FMN2: variants seen among roughly 807,000 people sequenced by gnomAD.
FMN2 encodes the protein formin-2.
In FMN2, 51 loss-of-function variants were observed where a neutral mutation model predicts 142.3. The observed-to-expected ratio is 0.36, with a 90% CI of 0.29 to 0.45. The LOEUF is 0.45. Ranked by LOEUF, FMN2 falls within the 20% of genes least tolerant of loss-of-function variation. The probability of loss-of-function intolerance (pLI) is 1.00; values close to 1 mark genes in which losing one functional copy is unlikely to be tolerated. For missense variants in FMN2, 1,936 were observed against 2,122.8 expected, an observed-to-expected ratio of 0.91 and a Z score of 1.73; for synonymous variants, 882 against 869.8, an observed-to-expected ratio of 1.01 and a Z score of -0.25.
chr1:240,146,031 A>G (rs996893660), intron 2 of FMN2, among the ~76,000 whole-genome samples: 4 of 151,990 alleles, frequency 2.6e-5, no homozygotes, highest in African/African-American at 9.7e-5. Context: ...CCAGGTGTAG[A>G]TTGTGTAACT....
intron 6 of FMN2, among the ~76,000 whole-genome samples, chr1:240,237,799 G>A (rs750265810): frequency 2.0e-5 from 3 of 152,122 alleles, no homozygotes; most frequent in Non-Finnish European, 2.9e-5. Flanking sequence ...GAGAGAGATT[G>A]GAGTTGAGTT....
chr1:240,133,911 C>T (rs1418597091), intron 2 of FMN2, among the ~76,000 whole-genome samples: 1 of 152,140 alleles, frequency 6.6e-6, no homozygotes, highest in Non-Finnish European at 1.5e-5. Context: ...TTGTGTTTAC[C>T]TGACAGATCT....
chr1:240,333,708 C>A (rs1671460006), intron 11 of FMN2, among the ~76,000 whole-genome samples, 179 bp from the exon 12 acceptor site: 1 of 152,092 alleles, frequency 6.6e-6, no homozygotes, highest in South Asian at 2.1e-4. Context: ...GGAGAAAAAT[C>A]TTTTAAGCCA....
At chr1:240,326,747 A>T (rs1671184341) in intron 8 of FMN2, among the ~76,000 whole-genome samples, 1 of 152,070 alleles carries the variant, frequency 6.6e-6, no homozygotes, top group South Asian at 2.1e-4. Context: ...GGGTATAGAA[A>T]GGGGTTAGGC....
chr1:240,325,818 T>G (rs946414687), intron 8 of FMN2, among the ~76,000 whole-genome samples: 2 of 152,292 alleles, frequency 1.3e-5, no homozygotes, highest in African/African-American at 4.8e-5. Flanking sequence ...TGCTGGCTAG[T>G]GTTTCTGAGC....
chr1:240,144,654 CAG>C, intron 2 of FMN2: 4 of 1,291,902 alleles, frequency 3.1e-6, no homozygotes, highest in Non-Finnish European at 4.5e-6. Context: ...TTCTCAGGCT[CAG>C]ACACATAATT....
rs574839020 is a variant in FMN2, at chr1:240,240,082, T to C, written c.4066-17863T>C. Among the ~76,000 whole-genome samples the C allele has an allele frequency of 2.0e-5, 3 of 152,324 alleles. No homozygotes were observed. In the East Asian group the frequency reaches 5.8e-4, roughly 29 times the overall value. ...TCTCTTTATGTTCCGTCTGCCCATA[T>C]TAATTATATTTGATAACACAGGGCG... is the stretch of plus-strand genomic sequence containing the variant. On this transcript the variant is annotated intron_variant, in intron 6 of 17. Transcript: ENST00000319653.
intron 8 of FMN2, among the ~76,000 whole-genome samples, chr1:240,320,925 AGTT>A (rs1670950230): frequency 6.6e-6 from 1 of 152,190 alleles, no homozygotes; most frequent in African/African-American, 2.4e-5. Context: ...CACCAAACTA[AGTT>A]GTTGCTGTAA....
Position 240,330,604 on chromosome 1 carries a change from C to T in FMN2, c.4439C>T (p.Thr1480Ile). ...KLELLQKLCE[T>I]LKNGPGVMQV... The stretch of plus-strand genomic sequence containing the variant: ...TTTTGTTGTTATTCTGTTTTACAGA[C>T]ATTAAAAAATGGCCCAGGGGTTATG... Residue 1480 changes from threonine to isoleucine, a missense_variant and splice_region_variant, in exon 11 of 18, where the codon ACA becomes ATA. Physicochemically the swap from Thr to Ile is moderately conservative, Grantham distance 89. Around this residue, in one of 8 missense-constraint regions of FMN2, gnomAD observed 322 missense variants for 401.6 expected, o/e 0.80. Transcript: ENST00000319653. The T allele has an allele frequency of 6.2e-7, 1 of 1,612,178 alleles. No homozygotes were observed.
At chr1:240,145,502 A>G (rs921782176) in intron 2 of FMN2, 2 of 240,700 alleles carry the variant, frequency 8.3e-6, no homozygotes, top group African/African-American at 2.3e-5. Context: ...TTTTACTACA[A>G]TGAGGCAATT....
chr1:240,252,548 G>GTT (rs35179529), intron 6 of FMN2, among the ~76,000 whole-genome samples: 227 of 142,366 alleles, frequency 1.6e-3, no homozygotes, highest in Admixed American at 4.0e-3. Context: ...TGGGCTGGCA[G>GTT]TTTTTTTTTT....
chr1:240,241,825 C>CTTCTTTTTTTTTTTTTTTTTTTTTT (rs1667908718), intron 6 of FMN2, among the ~76,000 whole-genome samples: 4 of 96,238 alleles, frequency 4.2e-5, no homozygotes, highest in Non-Finnish European at 6.4e-5. Flanking sequence ...GTGTGCCTTG[C>CTTCTTTTTTTTTTTTTTTTTTTTTT]TTTTTTTTTT....
intron 8 of FMN2, among the ~76,000 whole-genome samples, chr1:240,306,470 T>C (rs1670407997): frequency 6.6e-6 from 1 of 152,166 alleles, no homozygotes; most frequent in African/African-American, 2.4e-5. Context: ...TTCCCATCTT[T>C]ATGTGAACCC....
intron 14 of FMN2, among the ~76,000 whole-genome samples, chr1:240,377,862 C>A (rs1448725822): frequency 1.3e-5 from 2 of 151,860 alleles, no homozygotes; most frequent in Non-Finnish European, 2.9e-5. Context: ...TAAATTAATT[C>A]CCCCATAATT....
chr1:240,303,142 C>T (rs1157083167), intron 8 of FMN2, among the ~76,000 whole-genome samples: 1 of 152,016 alleles, frequency 6.6e-6, no homozygotes, highest in Non-Finnish European at 1.5e-5. Context: ...GCTCTCCTGC[C>T]TCAGATGATC....
At position 240,466,507 on chromosome 1, in the gene FMN2, G is replaced by T. The variant is rs186238730; in HGVS notation, c.5061-5865G>T. ...GTTTTATATTCATATGGTCATTTTTGCCCAAGACCTAGAAAACAGCTTCAA... is the reference window on the plus strand; with the variant it reads ...GTTTTATATTCATATGGTCATTTTTTCCCAAGACCTAGAAAACAGCTTCAA... On this transcript the variant is annotated intron_variant, in intron 16 of 17. Coordinates refer to ENST00000319653, the MANE Select transcript of FMN2 (RefSeq NM_020066.5). Among the ~76,000 whole-genome samples the T allele has an allele frequency of 2.0e-3, 304 of 152,028 alleles. 2 individuals carry two copies. The highest frequency in any genetic ancestry group is 6.8e-3 in the African/African-American group (284 of 41,484).
chr1:240,351,445 C>T (rs1672094274), intron 13 of FMN2, among the ~76,000 whole-genome samples: 1 of 152,050 alleles, frequency 6.6e-6, no homozygotes, highest in Admixed American at 6.6e-5. Flanking sequence ...TACAGTTTTT[C>T]TAGAGCTGAA....
At chr1:240,300,414 A>G (rs1670156380) in intron 8 of FMN2, among the ~76,000 whole-genome samples, 1 of 152,216 alleles carries the variant, frequency 6.6e-6, no homozygotes. Flanking sequence ...TTACAAATAT[A>G]GGAACATTAA....
intron 1 of FMN2, among the ~76,000 whole-genome samples, chr1:240,110,378 G>A (rs79522241): frequency 1.3e-5 from 2 of 152,206 alleles, no homozygotes; most frequent in African/African-American, 4.8e-5. Flanking sequence ...ATGCAGAAAT[G>A]CCTTTTACAT....
Sources: gnomAD v4.1 joint callset for allele counts (sites outside exome capture counted in the v4.1 genomes callset) on GRCh38, gnomAD v4.1.1 for gene constraint, gnomAD v4.1.1 regional missense constraint, MANE v1.5 for transcripts, NCBI Gene and HGNC (gene_info 2026-07-23, HGNC 2026-07-21) for gene names.